The following PLCB4 variants were observed in gnomAD, a reference collection of about 807,000 sequenced individuals.
The protein encoded by PLCB4 is 1-phosphatidylinositol 4,5-bisphosphate phosphodiesterase beta-4.
In PLCB4, 77 loss-of-function variants were observed where a neutral mutation model predicts 178.8. That is an observed-to-expected ratio of 0.43 (90% CI 0.36 to 0.52). PLCB4 has a LOEUF of 0.52. PLCB4 is among the 20% of genes least tolerant of loss of function. The pLI, the probability that PLCB4 is intolerant of heterozygous loss-of-function variation, is 0.00. For synonymous variants in PLCB4, 496 were observed against 490.8 expected, an observed-to-expected ratio of 1.01 and a Z score of -0.14; for missense variants, 1,024 against 1,453.4, an observed-to-expected ratio of 0.70 and a Z score of 4.80.
intron 9 of PLCB4, among the ~76,000 whole-genome samples, chr20:9,368,792 G>A (rs1257500788): frequency 1.3e-5 from 2 of 152,162 alleles, no homozygotes; most frequent in Non-Finnish European, 2.9e-5. Flanking sequence ...CCCCGGAATA[G>A]AATTTAACCA....
At position 9,411,119 on chromosome 20, in the gene PLCB4, T is replaced by G. The variant is rs763380052; in HGVS notation, c.2051+31T>G. 1.1e-5 allele frequency: 16 copies of G among 1,471,156 alleles called. No individual in the cohort carries two copies. In the East Asian group the frequency reaches 3.4e-4, roughly 31 times the overall value. The allele number at this position is 1,471,156 out of a possible 1,614,324, so 91.1% of individuals were successfully genotyped here. A position where few individuals can be genotyped will look rare whatever the true frequency, so the allele number is the denominator to read the frequency against. ...TAATATGATTTAAACTGTTTTCACC[T>G]AGATTGAGAACTCCATACTACAGCT... is the stretch of plus-strand genomic sequence containing the variant. On this transcript the variant is annotated intron_variant, in intron 25 of 39. Coordinates refer to ENST00000378473, the MANE Select transcript of PLCB4 (RefSeq NM_001377142.1).
intron 20 of PLCB4, among the ~76,000 whole-genome samples, chr20:9,404,373 T>A (rs2039276603): frequency 6.6e-6 from 1 of 152,164 alleles, no homozygotes; most frequent in African/African-American, 2.4e-5. Flanking sequence ...TTACACACTA[T>A]CTTTTCTGAT....
chr20:9,188,955 A>G (rs1191111486), intron 2 of PLCB4, among the ~76,000 whole-genome samples: 1 of 37,910 alleles, frequency 2.6e-5, no homozygotes, highest in Non-Finnish European at 4.4e-5. Flanking sequence ...GAGCTGTCAT[A>G]TAGTGACATT....
intron 1 of PLCB4, among the ~76,000 whole-genome samples, chr20:9,091,057 A>G (rs2146570682): frequency 6.6e-6 from 1 of 152,282 alleles, no homozygotes; most frequent in South Asian, 2.1e-4. Context: ...CCCAGAGACC[A>G]GGGTCCCCAG....
Position 9,362,905 on chromosome 20 carries a change from G to A in PLCB4, c.379G>A (p.Glu127Lys), listed in dbSNP as rs1312240048. Residue 127 changes from glutamate to lysine, a missense_variant, in exon 8 of 40, where the codon GAA (glutamate) becomes AAA (lysine). Around this residue, in one of 7 missense-constraint regions of PLCB4, gnomAD observed 225 missense variants for 291.0 expected, o/e 0.77. Transcript: ENST00000378473. ...TTTCTTTCTCTTTCAGCAATGGGTA[G>A]AAGGCCTGAGATCAATCATACACAA... ...ENPEVTKQWVEGLRSIIHNFR... is the reference protein window; with the variant it reads ...ENPEVTKQWVKGLRSIIHNFR... 1 of 1,611,268 alleles carries A rather than the reference G, an allele frequency of 6.2e-7. No homozygotes were observed. Among genetic ancestry groups the A allele is most frequent in the Non-Finnish European group, 8.5e-7 (1 of 1,177,674 alleles).
chr20:9,370,563 A>C (rs1439855818), intron 9 of PLCB4, among the ~76,000 whole-genome samples: 2 of 152,072 alleles, frequency 1.3e-5, no homozygotes, highest in African/African-American at 2.4e-5. Flanking sequence ...TTCCTTTTTC[A>C]TAAGAAGGCA....
chr20:9,376,940 A>G (rs887617370), intron 12 of PLCB4, among the ~76,000 whole-genome samples: 1 of 152,182 alleles, frequency 6.6e-6, no homozygotes, highest in Non-Finnish European at 1.5e-5. Context: ...CTTTTTGCAG[A>G]TGAAAGAATA....
In PLCB4 at chr20:9,160,311, GA is replaced by G. The variant is rs1332472185; in HGVS notation, c.-78-57078del. Among the ~76,000 whole-genome samples, 4 of 152,244 alleles carry G rather than the reference GA, an allele frequency of 2.6e-5. No homozygotes were observed. In the East Asian group the frequency reaches 5.8e-4, roughly 22 times the overall value. ...GAAGTGTGTCCTGGCTTGGGGAAAAGATGAAAGAAGTCCAGGATAGTTAGGT... is the reference window on the plus strand; with the variant it reads ...GAAGTGTGTCCTGGCTTGGGGAAAAGTGAAAGAAGTCCAGGATAGTTAGGT... On this transcript the variant is annotated intron_variant, in intron 2 of 39. Coordinates refer to ENST00000378473, the MANE Select transcript of PLCB4 (RefSeq NM_001377142.1).
intron 3 of PLCB4, among the ~76,000 whole-genome samples, chr20:9,297,632 G>T (rs1034598348): frequency 2.6e-5 from 4 of 152,064 alleles, no homozygotes; most frequent in Admixed American, 6.6e-5. Context: ...AGGACATCAC[G>T]TGTAGATAGG....
At chr20:9,164,869 A>G (rs970100906) in intron 2 of PLCB4, among the ~76,000 whole-genome samples, 1 of 152,096 alleles carries the variant, frequency 6.6e-6, no homozygotes, top group African/African-American at 2.4e-5. Flanking sequence ...ACTGATGGAA[A>G]CGTTTGAGGT....
intron 4 of PLCB4, among the ~76,000 whole-genome samples, chr20:9,327,370 G>A (rs971373586): frequency 4.0e-5 from 6 of 150,320 alleles, no homozygotes; most frequent in East Asian, 1.9e-4. Flanking sequence ...TTGCTTGAGC[G>A]CAGGAGTTTG....
intron 3 of PLCB4, among the ~76,000 whole-genome samples, chr20:9,274,262 T>G (rs2094432681): frequency 1.3e-5 from 2 of 152,124 alleles, no homozygotes; most frequent in Non-Finnish European, 2.9e-5. Flanking sequence ...TCCATTTGAC[T>G]TTCCTTTCTA....
chr20:9,290,494 A>T (rs1207150545), intron 3 of PLCB4, among the ~76,000 whole-genome samples: 1 of 152,120 alleles, frequency 6.6e-6, no homozygotes, highest in Non-Finnish European at 1.5e-5. Context: ...GTTTCTATAT[A>T]AGCAATGGAA....
At chr20:9,225,722 T>C (rs1038713996) in intron 3 of PLCB4, among the ~76,000 whole-genome samples, 11 of 152,218 alleles carry the variant, frequency 7.2e-5, no homozygotes, top group Non-Finnish European at 1.0e-4. Context: ...ATGGATTTTT[T>C]CCCCTGCATT....
At chr20:9,208,936 G>T (rs1217599972) in intron 2 of PLCB4, among the ~76,000 whole-genome samples, 1 of 152,112 alleles carries the variant, frequency 6.6e-6, no homozygotes, top group Admixed American at 6.5e-5. Context: ...AGTTTAAATT[G>T]GTTAACACCA....
intron 2 of PLCB4, among the ~76,000 whole-genome samples, chr20:9,204,185 G>C (rs866900330): frequency 5.9e-5 from 9 of 151,868 alleles, no homozygotes; most frequent in Admixed American, 1.3e-4. Flanking sequence ...TAGTCGTTGA[G>C]TCGTTGAGCC....
intron 2 of PLCB4, among the ~76,000 whole-genome samples, chr20:9,164,459 A>G (rs538626361): frequency 6.6e-6 from 1 of 152,196 alleles, no homozygotes; most frequent in Non-Finnish European, 1.5e-5. Flanking sequence ...TCATTTTTTA[A>G]GTAAAATATT....
intron 4 of PLCB4, among the ~76,000 whole-genome samples, chr20:9,310,526 C>G (rs369931490): frequency 6.6e-6 from 1 of 151,762 alleles, no homozygotes; most frequent in Admixed American, 6.6e-5. Flanking sequence ...CTGGCTAACA[C>G]AGTGAAACCC....
intron 4 of PLCB4, among the ~76,000 whole-genome samples, chr20:9,334,585 A>G (rs1288297391): frequency 6.6e-6 from 1 of 152,138 alleles, no homozygotes; most frequent in Admixed American, 6.6e-5. Flanking sequence ...GTATGCATAA[A>G]ATAGACTTCG....
Sources: allele counts gnomAD v4.1 joint callset (sites outside exome capture counted in the v4.1 genomes callset), GRCh38; gene constraint gnomAD v4.1.1; regional missense constraint gnomAD v4.1.1; transcripts MANE v1.5; gene names NCBI Gene and HGNC (gene_info 2026-07-23, HGNC 2026-07-21).